Variants in METTL2A observed in about 807,000 individuals in gnomAD.
The protein encoded by METTL2A is tRNA N(3)-cytidine methyltransferase METTL2A.
Under a neutral mutation model 49.4 loss-of-function variants are expected in METTL2A, and 45 were observed. That is an observed-to-expected ratio of 0.91 (90% CI 0.72 to 1.17). The LOEUF (loss-of-function observed/expected upper bound fraction) is 1.17. Ranked by LOEUF, METTL2A falls within the 50% of genes most tolerant of loss-of-function variation. The probability of loss-of-function intolerance (pLI) is 0.00; values close to 1 mark genes in which losing one functional copy is unlikely to be tolerated. For missense variants in METTL2A, 361 were observed against 462.2 expected, an observed-to-expected ratio of 0.78 and a Z score of 2.01; for synonymous variants, 118 against 167.5, an observed-to-expected ratio of 0.70 and a Z score of 2.28.
intron 6 of METTL2A, among the ~76,000 whole-genome samples, chr17:62,441,610 C>A (rs1222850651): frequency 6.6e-6 from 1 of 151,832 alleles, no homozygotes; most frequent in South Asian, 2.1e-4. Flanking sequence ...CCATGCCCAG[C>A]TAATTTTTGT....
intron 5 of METTL2A, among the ~76,000 whole-genome samples, chr17:62,436,508 T>C (rs1386396584): frequency 6.6e-6 from 1 of 151,444 alleles, no homozygotes; most frequent in Admixed American, 6.6e-5. Flanking sequence ...GCCAAGATTG[T>C]GCCACTGCAC....
rs996984593 is a variant in METTL2A, at chr17:62,450,592, A to C, written c.*1863A>C. ...ATAATCCCAGCACTTTGGGAGGCCG[A>C]GGTGGGCAGATCACTTGAGGTCAGG... is the stretch of plus-strand genomic sequence containing the variant. On this transcript the variant is annotated 3_prime_UTR_variant, in exon 9 of 9. Coordinates refer to ENST00000311506, the MANE Select transcript of METTL2A (RefSeq NM_181725.4). 16 of 152,134 alleles carry C rather than the reference A, an allele frequency of 1.1e-4. No individual in the cohort carries two copies. The highest frequency in any genetic ancestry group is 3.4e-4 in the African/African-American group (14 of 41,394). 9.4% of individuals were successfully genotyped at this position (152,134 alleles called of 1,614,324 possible). A position where few individuals can be genotyped will look rare whatever the true frequency, so the allele number is the denominator to read the frequency against.
chr17:62,424,680 A>C (rs1404204304), intron 2 of METTL2A, among the ~76,000 whole-genome samples: 1 of 152,020 alleles, frequency 6.6e-6, no homozygotes, highest in East Asian at 1.9e-4. Flanking sequence ...TTTCCATTGA[A>C]GCTTCATTGA....
Position 62,449,407 on chromosome 17 carries a change from G to T in METTL2A, c.*678G>T, listed in dbSNP as rs2070791173. On this transcript the variant is annotated 3_prime_UTR_variant, in exon 9 of 9. Coordinates refer to ENST00000311506, the MANE Select transcript of METTL2A (RefSeq NM_181725.4). ...TGTTCTTGTTAAGTAATTGATCGTG[G>T]TCTTCGCTTTAATCTTAGTTCCGCC... 2.2e-6 allele frequency: 1 copy of T among 453,186 alleles called. No homozygotes were observed. The highest frequency in any genetic ancestry group is 4.4e-6 in the Non-Finnish European group (1 of 226,286). 28.1% of individuals were successfully genotyped at this position (453,186 alleles called of 1,614,324 possible). A position where few individuals can be genotyped will look rare whatever the true frequency, so the allele number is the denominator to read the frequency against.
chr17:62,438,584 A>AC (rs1177208797), intron 5 of METTL2A, among the ~76,000 whole-genome samples: 1 of 151,904 alleles, frequency 6.6e-6, no homozygotes, highest in Non-Finnish European at 1.5e-5. Flanking sequence ...TTCAAAAAAA[A>AC]AAAAAAAAAA....
At chr17:62,447,190 G>A (rs2070774246) in intron 7 of METTL2A, among the ~76,000 whole-genome samples, 1 of 152,160 alleles carries the variant, frequency 6.6e-6, no homozygotes, top group South Asian at 2.1e-4. Context: ...AGGCCACGGT[G>A]GGTGGATCAC....
rs150320663 is a variant in METTL2A at position 62,452,360 on chromosome 17, G to T, written c.*3631G>T. Among the ~76,000 whole-genome samples the T allele has an allele frequency of 3.3e-3, 499 of 152,292 alleles. 4 individuals carry two copies. Among genetic ancestry groups the T allele is most frequent in the South Asian group, 0.018 (89 of 4,824 alleles). On this transcript the variant is annotated 3_prime_UTR_variant, in exon 9 of 9. Coordinates refer to ENST00000311506, the MANE Select transcript of METTL2A (RefSeq NM_181725.4). The stretch of plus-strand genomic sequence containing the variant: ...TGTCACTTAGTTGTGTTGTCTGCCG[G>T]GTTCTGCCACTGTAAAGTTAATAAG...
intron 6 of METTL2A, among the ~76,000 whole-genome samples, chr17:62,442,432 C>T (rs1346679529): frequency 6.6e-6 from 1 of 152,036 alleles, no homozygotes; most frequent in Non-Finnish European, 1.5e-5. Flanking sequence ...AGCACCACCA[C>T]ACCTGGCTAA....
At chr17:62,439,169 C>G (rs558564893) in intron 5 of METTL2A, among the ~76,000 whole-genome samples, 1 of 151,238 alleles carries the variant, frequency 6.6e-6, no homozygotes, top group African/African-American at 2.4e-5. Context: ...TTAGTAGAGA[C>G]GGGGTTTCAC....
intron 4 of METTL2A, among the ~76,000 whole-genome samples, chr17:62,432,666 G>A (rs978996872): frequency 2.6e-5 from 4 of 152,194 alleles, no homozygotes; most frequent in Non-Finnish European, 5.9e-5. Flanking sequence ...GCCGGGCATG[G>A]TGGCAGGCAC....
chr17:62,432,791 G>GA (rs2070674909), intron 4 of METTL2A, among the ~76,000 whole-genome samples: 3 of 146,612 alleles, frequency 2.0e-5, no homozygotes, highest in Admixed American at 6.8e-5. Flanking sequence ...GACAGAGTGA[G>GA]ACTCCGTCTC....
Position 62,452,238 on chromosome 17 carries a change from C to T in METTL2A, c.*3509C>T, listed in dbSNP as rs1395601701. Among the ~76,000 whole-genome samples, 6 of 152,118 alleles carry T rather than the reference C, an allele frequency of 3.9e-5. No homozygotes were observed. ...GTTTCTTCATGATTTGGTTCAGGCT[C>T]TGCATTTTGGGCAGGAATATTCAGA... On this transcript the variant is annotated 3_prime_UTR_variant, in exon 9 of 9. Coordinates refer to ENST00000311506, the MANE Select transcript of METTL2A (RefSeq NM_181725.4).
intron 6 of METTL2A, among the ~76,000 whole-genome samples, chr17:62,441,836 G>T (rs938434537): frequency 1.3e-5 from 2 of 151,672 alleles, no homozygotes; most frequent in African/African-American, 4.8e-5. Flanking sequence ...CACCTCCCGG[G>T]TTCAACCAAT....
intron 5 of METTL2A, among the ~76,000 whole-genome samples, chr17:62,437,085 A>ACAAG (rs1056650053): frequency 1.3e-5 from 2 of 152,026 alleles, no homozygotes; most frequent in African/African-American, 4.8e-5. Flanking sequence ...AGACTAAAAA[A>ACAAG]CAAGCAGCAA....
chr17:62,431,145 G>T (rs867794676), intron 4 of METTL2A, among the ~76,000 whole-genome samples: 1 of 151,940 alleles, frequency 6.6e-6, no homozygotes, highest in Admixed American at 6.6e-5. Flanking sequence ...GATTACAGGT[G>T]TGAGCCACTG....
At position 62,450,243 on chromosome 17, in the gene METTL2A, A is replaced by G. The variant is rs1344204850; in HGVS notation, c.*1514A>G. 8.4e-6 allele frequency: 1 copy of G among 118,534 alleles called. No individual in the cohort carries two copies. The highest frequency in any genetic ancestry group is 3.8e-5 in the African/African-American group (1 of 26,002). 7.3% of individuals were successfully genotyped at this position (118,534 alleles called of 1,614,324 possible). On this transcript the variant is annotated 3_prime_UTR_variant, in exon 9 of 9. Transcript: ENST00000311506. ...TGAATGTGATCATTATCAGTGTTAG[A>G]TGCCTTTTTTTTTTTTTTTTTTTTT...
chr17:62,453,006 T>A lies in METTL2A; in HGVS notation c.*4277T>A, dbSNP rs1158700471. On this transcript the variant is annotated 3_prime_UTR_variant, in exon 9 of 9. Coordinates refer to ENST00000311506, the MANE Select transcript of METTL2A (RefSeq NM_181725.4). ...TTAAAACTGGAAAAAACTGAATCAC[T>A]GGGATGGTATTTCATTTATCTTTTG... is the stretch of plus-strand genomic sequence containing the variant. 6.6e-6 allele frequency among the ~76,000 whole-genome samples: 1 copy of A among 152,178 alleles called. No homozygotes were observed. Among genetic ancestry groups the A allele is most frequent in the Admixed American group, 6.6e-5 (1 of 15,260 alleles).
At position 62,450,141 on chromosome 17, in the gene METTL2A, T is replaced by G. The variant is rs1304338666; in HGVS notation, c.*1412T>G. Reference sequence around the variant, plus strand: ...TTCACTTTTTGCAAAATTATCTTTTTTAATGCACCCTTAAGTGTTTGACAC... The same window carrying G: ...TTCACTTTTTGCAAAATTATCTTTTGTAATGCACCCTTAAGTGTTTGACAC... On this transcript the variant is annotated 3_prime_UTR_variant, in exon 9 of 9. Coordinates refer to ENST00000311506, the MANE Select transcript of METTL2A (RefSeq NM_181725.4). 1 of 152,104 alleles carries G rather than the reference T, an allele frequency of 6.6e-6. No homozygotes were observed. Among genetic ancestry groups the G allele is most frequent in the Non-Finnish European group, 1.5e-5 (1 of 68,028 alleles). The allele number at this position is 152,104 out of a possible 1,614,324, so 9.4% of individuals were successfully genotyped here.
rs750027966 is a variant in METTL2A, at chr17:62,447,752, A to C, written c.968A>C (p.Tyr323Ser). 3.1e-5 allele frequency: 50 copies of C among 1,614,076 alleles called. No homozygotes were observed. Among genetic ancestry groups the C allele is most frequent in the Non-Finnish European group, 4.0e-5 (47 of 1,180,022 alleles). ...FYVRGDGTRVYFFTQEELDTL... is the reference protein window; with the variant it reads ...FYVRGDGTRVSFFTQEELDTL... Reference sequence around the variant, plus strand: ...GTGAGAGGTGATGGAACCAGAGTTTACTTCTTCACACAAGGTATGAAACAC... The same window carrying C: ...GTGAGAGGTGATGGAACCAGAGTTTCCTTCTTCACACAAGGTATGAAACAC... The change falls in exon 8 of 9, where the codon TAC becomes TCC. Residue 323 changes from tyrosine (Y) to serine (S), a missense_variant. Transcript: ENST00000311506.
Sources: gnomAD v4.1 joint callset for allele counts (sites outside exome capture counted in the v4.1 genomes callset) on GRCh38, gnomAD v4.1.1 for gene constraint, MANE v1.5 for transcripts, NCBI Gene and HGNC (gene_info 2026-07-23, HGNC 2026-07-21) for gene names.